MCM3AP: variants seen among roughly 807,000 people sequenced by gnomAD.
MCM3AP encodes the protein minichromosome maintenance complex component 3 associated protein, also known as germinal-center associated nuclear protein.
A neutral mutation model predicts 184.1 loss-of-function variants in MCM3AP; 126 were observed. The observed-to-expected ratio is 0.68, with a 90% confidence interval of 0.59 to 0.79. MCM3AP has a LOEUF of 0.79. MCM3AP is among the 30% of genes least tolerant of loss of function. The pLI is 0.00. For missense variants in MCM3AP, 2,496 were observed against 2,479.2 expected (o/e 1.01, Z -0.14); for synonymous variants, 1,002 against 979.3 (o/e 1.02, Z -0.43).
At chr21:46,264,590 C>T (rs2081083548) in intron 12 of MCM3AP, among the ~76,000 whole-genome samples, 1 of 152,186 alleles carries the variant, frequency 6.6e-6, no homozygotes, top group South Asian at 2.1e-4. Context: ...ATGGAGTCGA[C>T]AGGCTCTACT....
intron 5 of MCM3AP, among the ~76,000 whole-genome samples, chr21:46,275,975 G>C (rs540791183): frequency 2.6e-5 from 4 of 152,086 alleles, no homozygotes; most frequent in Non-Finnish European, 5.9e-5. Flanking sequence ...ACCTGGGCCC[G>C]GCCTGGTGGC....
chr21:46,258,193 CAG>C (rs1162259309), intron 16 of MCM3AP, among the ~76,000 whole-genome samples: 2 of 152,224 alleles, frequency 1.3e-5, no homozygotes, highest in Admixed American at 1.3e-4. Flanking sequence ...GCACAATGGA[CAG>C]GGGTCTGTTG....
At chr21:46,256,126 C>G (rs1373176489) in intron 17 of MCM3AP, among the ~76,000 whole-genome samples, 1 of 152,152 alleles carries the variant, frequency 6.6e-6, no homozygotes, top group Admixed American at 6.5e-5. Flanking sequence ...TCCCCACCCA[C>G]TGGGAGGCCA....
At chr21:46,252,641 T>C (rs2080891730) in intron 19 of MCM3AP, 1 of 150,320 alleles carries the variant, frequency 6.7e-6, no homozygotes, top group Non-Finnish European at 1.5e-5. Flanking sequence ...GTGAACAAAG[T>C]GTACCACACG....
chr21:46,274,058 C>T (rs1229956378), intron 6 of MCM3AP, among the ~76,000 whole-genome samples: 3 of 152,226 alleles, frequency 2.0e-5, no homozygotes, highest in Non-Finnish European at 2.9e-5. Context: ...AGGCTGAAGA[C>T]GTGGCCAAGG....
chr21:46,272,392 T>C (rs1295937700), intron 8 of MCM3AP, among the ~76,000 whole-genome samples, 169 bp downstream of exon 8: 2 of 152,204 alleles, frequency 1.3e-5, no homozygotes, highest in African/African-American at 2.4e-5. Flanking sequence ...TTCCCCCAGC[T>C]CAGCTCAGCC....
chr21:46,282,979 G>A (rs945617713), intron 2 of MCM3AP, among the ~76,000 whole-genome samples: 12 of 151,616 alleles, frequency 7.9e-5, no homozygotes, highest in African/African-American at 2.9e-4. Flanking sequence ...AGACTGGAGT[G>A]CAGTGGCACG....
intron 25 of MCM3AP, 87 bp from the exon 26 acceptor site, chr21:46,241,104 T>C: frequency 1.0e-6 from 1 of 958,466 alleles, no homozygotes; most frequent in Admixed American, 1.8e-5. Flanking sequence ...TTTGCACATG[T>C]GCATTAACAT....
rs749152775 is a variant in MCM3AP, at chr21:46,284,866, T to C, written c.421A>G (p.Lys141Glu). 2.2e-5 allele frequency: 36 copies of C among 1,614,206 alleles called. No homozygotes were observed. The South Asian group carries it at 3.8e-4, about 17-fold the overall frequency. Residue 141 changes from lysine (K) to glutamate (E), a missense_variant, in exon 1 of 28, where the codon AAA (lysine) becomes GAA (glutamate). This residue lies in a region of MCM3AP where 800 missense variants were observed against 717.1 expected (regional missense o/e 1.12). Transcript: ENST00000291688. ...AGAGGTTTAAAGCTGAATTCTGTTT[T>C]CCCAAAACCAGAGTTCACTATTTCT... ...AGEIVNSGFG[K>E]TEFSFKPLEN...
intron 14 of MCM3AP, 54 bp downstream of exon 14, chr21:46,261,226 T>G: frequency 6.2e-7 from 1 of 1,606,804 alleles, no homozygotes; most frequent in Non-Finnish European, 8.5e-7. Context: ...GGTCAGTTCT[T>G]GCCTGTGTCC....
intron 23 of MCM3AP, 31 bp downstream of exon 23, chr21:46,244,776 C>A: frequency 8.3e-6 from 13 of 1,564,192 alleles, no homozygotes; most frequent in Non-Finnish European, 1.1e-5. Flanking sequence ...GCTGCAGCCA[C>A]CCACCAGACC....
Position 46,284,956 on chromosome 21 carries a change from T to G in MCM3AP, c.331A>C (p.Ser111Arg). The change falls in exon 1 of 28, where the codon AGT becomes CGT. Residue 111 changes from serine to arginine, a missense_variant. Ser to Arg is a moderately radical substitution (Grantham distance 110, BLOSUM62 -1). This residue lies in a region of MCM3AP where 800 missense variants were observed against 717.1 expected (regional missense o/e 1.12). Coordinates refer to ENST00000291688, the MANE Select transcript of MCM3AP (RefSeq NM_003906.5). The part of the protein sequence containing the change: ...SSSVLGNTGF[S>R]FKSPTSVGAF... ...CCAACACTGGTGGGTGATTTAAAAC[T>G]AAATCCTGTGTTTCCCAGCACAGAT... The G allele has an allele frequency of 1.9e-6, 3 of 1,614,136 alleles. No homozygotes were observed. Among genetic ancestry groups the G allele is most frequent in the South Asian group, 1.1e-5 (1 of 91,088 alleles).
At chr21:46,244,454 C>G (rs1416091047) in intron 23 of MCM3AP, 1 of 296,482 alleles carries the variant, frequency 3.4e-6, no homozygotes, top group African/African-American at 2.2e-5. Context: ...ATGCTCTTTG[C>G]CCCTTGTCTG....
chr21:46,285,077 C>T lies in MCM3AP; in HGVS notation c.210G>A (p.Val70=). 1 of 1,614,200 alleles carries T rather than the reference C, an allele frequency of 6.2e-7. No homozygotes were observed. Among genetic ancestry groups the T allele is most frequent in the East Asian group, 2.2e-5 (1 of 44,894 alleles). Residue 70 remains valine (V), a synonymous_variant, in exon 1 of 28, where the codon GTG becomes GTA. Transcript: ENST00000291688. ...AGGTTTGGGTGAACCCTAATGTTTG[C>T]ACTGAAGAGGAATGACTTACTCCAG... is the stretch of plus-strand genomic sequence containing the variant. ...ASSGVSHSSS[V]QTLGFTQTSS...
At position 46,238,643 on chromosome 21, in the gene MCM3AP, G is replaced by C. The variant is rs1243003407; in HGVS notation, c.5634-1664C>G. On this transcript the variant is annotated intron_variant, in intron 26 of 27. Coordinates refer to ENST00000291688, the MANE Select transcript of MCM3AP (RefSeq NM_003906.5). ...GAACTGCTTGAACCTGGGAGGTGGA[G>C]GTTGCAGTGAGTCGAGATTGTGCCA... 9.2e-5 allele frequency among the ~76,000 whole-genome samples: 10 copies of C among 108,822 alleles called. 3 individuals are homozygous for C. Among genetic ancestry groups the C allele is most frequent in the Non-Finnish European group, 1.5e-4 (8 of 51,742 alleles). The allele number at this position is 108,822 out of a possible 152,430, so 71.4% of individuals were successfully genotyped here. A position where few individuals can be genotyped will look rare whatever the true frequency, so the allele number is the denominator to read the frequency against.
chr21:46,235,452 C>T (rs771749901), intron 27 of MCM3AP, 26 bp from the exon 28 acceptor site: 5 of 1,610,294 alleles, frequency 3.1e-6, no homozygotes, highest in African/African-American at 2.7e-5. Context: ...AGAAACTGAA[C>T]AGTTTTGGGA....
rs1443441010 is a variant in MCM3AP, at chr21:46,277,675, G to A, written c.1710C>T (p.Phe570=). Residue 570 remains phenylalanine (F), a synonymous_variant, in exon 5 of 28, where the codon TTC becomes TTT. Coordinates refer to ENST00000291688, the MANE Select transcript of MCM3AP (RefSeq NM_003906.5). ...KKPSLLKAHQ[F]EGDSFDSASE... ...AGGCTGAGTCAAAAGAGTCTCCCTC[G>A]AATTGGTGGGCCTTTAGAAGACTTG... The A allele has an allele frequency of 6.2e-6, 10 of 1,604,414 alleles. No homozygotes were observed. The highest frequency in any genetic ancestry group is 2.7e-5 in the African/African-American group (2 of 74,412).
intron 9 of MCM3AP, among the ~76,000 whole-genome samples, chr21:46,268,812 G>A (rs1003531872): frequency 6.6e-6 from 1 of 152,196 alleles, no homozygotes; most frequent in East Asian, 1.9e-4. Flanking sequence ...GGGAGGCCGA[G>A]GTGGGTGGAT....
At chr21:46,255,075 T>C (rs1233132322) in intron 17 of MCM3AP, among the ~76,000 whole-genome samples, 3 of 152,156 alleles carry the variant, frequency 2.0e-5, no homozygotes, top group Non-Finnish European at 4.4e-5. Context: ...TAGGCTCTAA[T>C]GGGGAGAGAA....
Sources: allele counts gnomAD v4.1 joint callset (sites outside exome capture counted in the v4.1 genomes callset), GRCh38; gene constraint gnomAD v4.1.1; regional missense constraint gnomAD v4.1.1; transcripts MANE v1.5; gene names NCBI Gene and HGNC (gene_info 2026-07-23, HGNC 2026-07-21).